ABCA13: variants seen among roughly 807,000 people sequenced by gnomAD.
The protein encoded by ABCA13 is ATP binding cassette subfamily A member 13.
A neutral mutation model predicts 478.7 loss-of-function variants in ABCA13; 476 were observed. That is an observed-to-expected ratio of 0.99 (90% CI 0.92 to 1.07). The LOEUF is 1.07. ABCA13 is among the 50% of genes least tolerant of loss of function. The pLI is 0.00. For synonymous variants in ABCA13, 2,252 were observed against 2,158.9 expected (o/e 1.04, Z -1.20); for missense variants, 6,060 against 5,910.6 (o/e 1.03, Z -0.83).
intron 44 of ABCA13, among the ~76,000 whole-genome samples, chr7:48,467,929 G>T (rs56018251): frequency 0.018 from 2,766 of 152,260 alleles, 30 homozygotes; most frequent in Non-Finnish European, 0.028. Flanking sequence ...TAATTATGCT[G>T]CTTCACTCTA....
In ABCA13 at chr7:48,480,579, A is replaced by C. The variant is rs542953800; in HGVS notation, c.12976-457A>C. Among the ~76,000 whole-genome samples, 3 of 152,314 alleles carry C rather than the reference A, an allele frequency of 2.0e-5. No homozygotes were observed. The South Asian group carries it at 6.2e-4, about 32-fold the overall frequency. Reference sequence around the variant, plus strand: ...TTGTTAGGTGATTATTCCATGATGCAGAGCTGGTGTTGGCATGCTGGTGAG... The same window carrying C: ...TTGTTAGGTGATTATTCCATGATGCCGAGCTGGTGTTGGCATGCTGGTGAG... On this transcript the variant is annotated intron_variant, in intron 45 of 61. Transcript: ENST00000435803.
Position 48,254,981 on chromosome 7 carries a change from T to A in ABCA13, c.2005+5630T>A, listed in dbSNP as rs536834196. On this transcript the variant is annotated intron_variant, in intron 15 of 61. Transcript: ENST00000435803. ...GACTTCATCTCTCCTGTCTTCCCTA[T>A]TCTGTAATGTTGGCACACAAATTCC... Among the ~76,000 whole-genome samples the A allele has an allele frequency of 2.4e-4, 37 of 152,340 alleles. 1 individual carries two copies. In the South Asian group the frequency reaches 7.5e-3, roughly 31 times the overall value.
At chr7:48,448,550 G>A (rs942290103) in intron 42 of ABCA13, among the ~76,000 whole-genome samples, 2 of 152,250 alleles carry the variant, frequency 1.3e-5, no homozygotes, top group South Asian at 2.1e-4. Flanking sequence ...TACAATCATA[G>A]GGCATTGCAA....
In ABCA13 at chr7:48,272,832, G is replaced by T; in HGVS notation, c.3166G>T (p.Glu1056Ter). 1 of 1,606,954 alleles carries T rather than the reference G, an allele frequency of 6.2e-7. No homozygotes were observed. The highest frequency in any genetic ancestry group is 8.5e-7 in the Non-Finnish European group (1 of 1,175,834). The stretch of plus-strand genomic sequence containing the variant: ...CATGTCTACAGAGGGCCAAGAACTG[G>T]AAGTGATCCACACTACTTTGACAGG... ...SFMSTEGQEL[E>*]VIHTTLTGLK... Residue 1056 changes from glutamate to a stop codon, truncating the protein, a stop_gained, in exon 17 of 62, where the codon GAA becomes TAA. Transcript: ENST00000435803. LOFTEE classifies it high-confidence loss of function.
rs372346863 is a variant in ABCA13 at position 48,478,685 on chromosome 7, G to T, written c.12976-2351G>T. The stretch of plus-strand genomic sequence containing the variant: ...TCTTGGAACAGACACTCTCTGTTTA[G>T]GTATGGTTACATTCTTGGTCTTACA... On this transcript the variant is annotated intron_variant, in intron 45 of 61. Transcript: ENST00000435803. 3.9e-5 allele frequency among the ~76,000 whole-genome samples: 6 copies of T among 152,212 alleles called. No individual in the cohort carries two copies. In the East Asian group the frequency reaches 1.2e-3, roughly 29 times the overall value.
At chr7:48,416,297 A>G (rs1195928253) in intron 41 of ABCA13, among the ~76,000 whole-genome samples, 2 of 152,162 alleles carry the variant, frequency 1.3e-5, no homozygotes, top group African/African-American at 4.8e-5. Flanking sequence ...AGTCTTAAAT[A>G]GGAGGAATTC....
chr7:48,314,736 T>C (rs570229997), intron 26 of ABCA13, among the ~76,000 whole-genome samples: 88 of 152,284 alleles, frequency 5.8e-4, no homozygotes, highest in African/African-American at 1.9e-3. Flanking sequence ...AGCACTGCTT[T>C]GGTCCATGCA....
intron 53 of ABCA13, among the ~76,000 whole-genome samples, chr7:48,522,801 G>A (rs932699556): frequency 2.6e-5 from 4 of 152,174 alleles, no homozygotes; most frequent in Non-Finnish European, 5.9e-5. Flanking sequence ...CCCAGGAGCT[G>A]TTCATAAAGC....
intron 42 of ABCA13, among the ~76,000 whole-genome samples, chr7:48,429,479 A>G (rs563361697): frequency 2.0e-5 from 3 of 152,238 alleles, no homozygotes; most frequent in African/African-American, 7.2e-5. Flanking sequence ...TGTGACACAC[A>G]CCTTAGTGTG....
chr7:48,435,003 T>G (rs1428510739), intron 42 of ABCA13, among the ~76,000 whole-genome samples: 1 of 151,894 alleles, frequency 6.6e-6, no homozygotes, highest in Admixed American at 6.6e-5. Flanking sequence ...CTTGGGATTC[T>G]GTATGGATTT....
Position 48,505,971 on chromosome 7 carries a change from A to T in ABCA13, c.13292-365A>T, listed in dbSNP as rs569849802. Among the ~76,000 whole-genome samples the T allele has an allele frequency of 7.9e-5, 12 of 152,326 alleles. 1 individual carries two copies. The South Asian group carries it at 2.1e-3, about 26-fold the overall frequency. On this transcript the variant is annotated intron_variant, in intron 48 of 61. Coordinates refer to ENST00000435803, the MANE Select transcript of ABCA13 (RefSeq NM_152701.5). Reference sequence around the variant, plus strand: ...TGAATATTGATCTGATTCATATCAGATAGTCTTCTTTGCATATTGTTACTT... The same window carrying T: ...TGAATATTGATCTGATTCATATCAGTTAGTCTTCTTTGCATATTGTTACTT...
chr7:48,424,980 A>G (rs1821212283), intron 41 of ABCA13, among the ~76,000 whole-genome samples: 1 of 152,240 alleles, frequency 6.6e-6, no homozygotes, highest in African/African-American at 2.4e-5. Flanking sequence ...GATGGCACGC[A>G]TAACATTCTG....
At chr7:48,449,282 T>G (rs55734752) in intron 42 of ABCA13, among the ~76,000 whole-genome samples, 45,096 of 152,014 alleles carry the variant, frequency 0.3, 6,745 homozygotes, top group East Asian at 0.37. Context: ...TCCTATTTCC[T>G]CTCTCCTTCC....
intron 28 of ABCA13, 141 bp from the exon 29 acceptor site, chr7:48,338,224 G>C (rs1309482509): frequency 2.1e-6 from 1 of 481,806 alleles, no homozygotes; most frequent in East Asian, 3.4e-5. Flanking sequence ...ATTTATTGTG[G>C]TGTTTTAAAA....
chr7:48,321,507 C>T (rs1235256472), intron 27 of ABCA13, among the ~76,000 whole-genome samples: 1 of 152,294 alleles, frequency 6.6e-6, no homozygotes, highest in East Asian at 1.9e-4. Context: ...GGGGGATAGT[C>T]CCTGTGTAGG....
At chr7:48,511,718 C>G (rs1831699635) in intron 51 of ABCA13, among the ~76,000 whole-genome samples, 1 of 151,996 alleles carries the variant, frequency 6.6e-6, no homozygotes, top group South Asian at 2.1e-4. Flanking sequence ...AGGATCATTG[C>G]TAGTGGCCTC....
rs940420443 is a variant in ABCA13, at chr7:48,511,202, A to G, written c.13640+3A>G. The G allele has an allele frequency of 3.7e-6, 6 of 1,605,556 alleles. No individual in the cohort carries two copies. Among genetic ancestry groups the G allele is most frequent in the Non-Finnish European group, 5.1e-6 (6 of 1,175,568 alleles). ...GCCCTCCTGCTGTCACTTTTCGGGT[A>G]TGTGATGAGAAACGCTGCTGCAGAA... On this transcript the variant is annotated splice_donor_region_variant and intron_variant, in intron 51 of 61. Coordinates refer to ENST00000435803, the MANE Select transcript of ABCA13 (RefSeq NM_152701.5).
chr7:48,440,613 G>C (rs1823454279), intron 42 of ABCA13, among the ~76,000 whole-genome samples: 2 of 151,962 alleles, frequency 1.3e-5, no homozygotes. Flanking sequence ...TTATATGTAA[G>C]ATCGAATTTA....
Position 48,272,057 on chromosome 7 carries a change from C to G in ABCA13, c.2391C>G (p.Gly797=). The change falls in exon 17 of 62, where the codon GGC becomes GGG. Residue 797 remains glycine, a synonymous_variant. Coordinates refer to ENST00000435803, the MANE Select transcript of ABCA13 (RefSeq NM_152701.5). ...ATGCTCAGAAACTCTTGGAATTTGG[C>G]AACGAAGTGATTTGGAAAATGCAGA... ...ATDAQKLLEF[G]NEVIWKMQTL... is the part of the protein sequence containing the mutation. 1 of 1,613,666 alleles carries G rather than the reference C, an allele frequency of 6.2e-7. No homozygotes were observed. Among genetic ancestry groups the G allele is most frequent in the Non-Finnish European group, 8.5e-7 (1 of 1,179,726 alleles).
Sources: allele counts gnomAD v4.1 joint callset (sites outside exome capture counted in the v4.1 genomes callset), GRCh38; gene constraint gnomAD v4.1.1; transcripts MANE v1.5; gene names NCBI Gene and HGNC (gene_info 2026-07-23, HGNC 2026-07-21).